The following KIRREL3 variants were observed in gnomAD, a reference collection of about 807,000 sequenced individuals.
KIRREL3 encodes kin of IRRE-like protein 3.
In KIRREL3, 36 loss-of-function variants were observed where a neutral mutation model predicts 89.7. The ratio of observed to expected loss-of-function variants is 0.40; its 90% confidence interval spans 0.31 to 0.53. The LOEUF (loss-of-function observed/expected upper bound fraction) is 0.53. KIRREL3 is among the 20% of genes least tolerant of loss of function. The pLI, the probability that KIRREL3 is intolerant of heterozygous loss-of-function variation, is 0.49. For missense variants in KIRREL3, 864 were observed against 1,056.6 expected (o/e 0.82, Z 2.53); for synonymous variants, 445 against 441.4 (o/e 1.01, Z -0.10).
In KIRREL3 at chr11:126,566,302, G is replaced by A. The variant is rs1368891268; in HGVS notation, c.56-3390C>T. Among the ~76,000 whole-genome samples, 1 of 152,228 alleles carries A rather than the reference G, an allele frequency of 6.6e-6. No homozygotes were observed. Among genetic ancestry groups the A allele is most frequent in the Non-Finnish European group, 1.5e-5 (1 of 68,036 alleles). ...GGAAAAATGGATTGGAGTAGGGTAT[G>A]TTTCTTAGGGAGAAGATAAGTTTGC... On this transcript the variant is annotated intron_variant, in intron 1 of 16. Coordinates refer to ENST00000525144, the MANE Select transcript of KIRREL3 (RefSeq NM_032531.4). This position sits in a 1 kb window ranked among gnomAD's most constrained non-coding sequence, Gnocchi z 4.9.
At chr11:126,820,306 A>C (rs1273740555) in intron 1 of KIRREL3, among the ~76,000 whole-genome samples, 3 of 40,730 alleles carry the variant, frequency 7.4e-5, no homozygotes, top group Non-Finnish European at 1.2e-4. Context: ...CTTTGTAGCA[A>C]GCCTTTAAAA....
intron 1 of KIRREL3, among the ~76,000 whole-genome samples, chr11:126,827,760 A>G (rs939574786): frequency 2.0e-5 from 3 of 152,182 alleles, no homozygotes; most frequent in African/African-American, 7.2e-5. Flanking sequence ...GAGTAAGTGA[A>G]AGGGGTTCCA....
At chr11:126,632,629 C>T (rs1386876350) in intron 1 of KIRREL3, among the ~76,000 whole-genome samples, 1 of 66,500 alleles carries the variant, frequency 1.5e-5, no homozygotes, top group African/African-American at 5.1e-5. Flanking sequence ...TCTCTACTCT[C>T]AGCACGGAGC....
At chr11:126,545,114 A>G (rs751993705) in intron 2 of KIRREL3, among the ~76,000 whole-genome samples, 2 of 152,216 alleles carry the variant, frequency 1.3e-5, no homozygotes, top group Non-Finnish European at 2.9e-5. Flanking sequence ...TTTATTTGTT[A>G]TAATGAAACT....
intron 1 of KIRREL3, among the ~76,000 whole-genome samples, chr11:126,856,591 A>ATATATATG: frequency 7.7e-6 from 1 of 129,882 alleles, no homozygotes; most frequent in Non-Finnish European, 1.6e-5. Context: ...ATATATATAT[A>ATATATATG]TATATGTATA....
At position 126,788,354 on chromosome 11, in the gene KIRREL3, A is replaced by G. The variant is rs188207304; in HGVS notation, c.55+212101T>C. Among the ~76,000 whole-genome samples the G allele has an allele frequency of 1.3e-4, 20 of 152,284 alleles. No homozygotes were observed. The East Asian group carries it at 3.1e-3, about 24-fold the overall frequency. On this transcript the variant is annotated intron_variant, in intron 1 of 16. Transcript: ENST00000525144. The surrounding 1 kb of genome is among the most constrained non-coding windows in gnomAD (Gnocchi z 4.1). ...ACTGTGCTACTCAGACAGGGTATGC[A>G]AGTTGCATTTGACATTTCTGCAGGG...
At chr11:126,436,180 C>T (rs576871103) in intron 12 of KIRREL3, among the ~76,000 whole-genome samples, 2 of 152,122 alleles carry the variant, frequency 1.3e-5, no homozygotes, top group African/African-American at 2.4e-5. Context: ...CTCACCCACC[C>T]GGCTGCTTTG....
chr11:126,589,959 G>A (rs1942059015), intron 1 of KIRREL3, among the ~76,000 whole-genome samples: 1 of 152,178 alleles, frequency 6.6e-6, no homozygotes, highest in South Asian at 2.1e-4. Context: ...TTAGGAGCAG[G>A]GGCTCCCTCT....
Position 126,462,923 on chromosome 11 carries a change from T to C in KIRREL3, c.742+234A>G, listed in dbSNP as rs910539482. Among the ~76,000 whole-genome samples the C allele has an allele frequency of 1.3e-5, 2 of 152,136 alleles. No homozygotes were observed. The highest frequency in any genetic ancestry group is 2.4e-5 in the African/African-American group (1 of 41,436). On this transcript the variant is annotated intron_variant, in intron 6 of 16. Transcript: ENST00000525144. This position sits in a 1 kb window ranked among gnomAD's most constrained non-coding sequence, Gnocchi z 4.8. ...GTGTGAAAGTCCCACCTTGTACAGGTGTTGAAATGTGGCCTGAAGATGTCC... is the reference window on the plus strand; with the variant it reads ...GTGTGAAAGTCCCACCTTGTACAGGCGTTGAAATGTGGCCTGAAGATGTCC...
rs1948945891 is a variant in KIRREL3 at position 126,740,538 on chromosome 11, T to G, written c.56-177626A>C. ...TCTCCTACCCAGGAGACATGTTCCT[T>G]ATATTTGTGATGTATTCCTATGGGC... On this transcript the variant is annotated intron_variant, in intron 1 of 16. Transcript: ENST00000525144. The surrounding 1 kb of genome is among the most constrained non-coding windows in gnomAD (Gnocchi z 6.0). Among the ~76,000 whole-genome samples, 1 of 152,174 alleles carries G rather than the reference T, an allele frequency of 6.6e-6. No homozygotes were observed. The highest frequency in any genetic ancestry group is 1.5e-5 in the Non-Finnish European group (1 of 68,034).
chr11:126,464,977 C>T (rs1199022831), intron 5 of KIRREL3, among the ~76,000 whole-genome samples: 1 of 152,174 alleles, frequency 6.6e-6, no homozygotes, highest in African/African-American at 2.4e-5. Flanking sequence ...CCCATTGTGG[C>T]TGCTACCTCC....
At position 126,454,898 on chromosome 11, in the gene KIRREL3, G is replaced by A. The variant is rs1272688013; in HGVS notation, c.848+1451C>T. The stretch of plus-strand genomic sequence containing the variant: ...TCATCCTATTTAAAAATATCCTTGG[G>A]GATAGGAACTCTGGGCTCTGCCTGG... On this transcript the variant is annotated intron_variant, in intron 7 of 16. Transcript: ENST00000525144. The surrounding 1 kb of genome is among the most constrained non-coding windows in gnomAD (Gnocchi z 5.8). 2.6e-5 allele frequency among the ~76,000 whole-genome samples: 4 copies of A among 152,178 alleles called. No homozygotes were observed.
Position 126,513,272 on chromosome 11 carries a change from C to T in KIRREL3, c.433+8043G>A, listed in dbSNP as rs1384883959. ...AGATGCTGGGGGGTATGGGGGCTGGCCCTGGGCATGGTCATTTGGGAAGCT... is the reference window on the plus strand; with the variant it reads ...AGATGCTGGGGGGTATGGGGGCTGGTCCTGGGCATGGTCATTTGGGAAGCT... On this transcript the variant is annotated intron_variant, in intron 4 of 16. Transcript: ENST00000525144. The surrounding 1 kb of genome is among the most constrained non-coding windows in gnomAD (Gnocchi z 5.9). 6.6e-6 allele frequency among the ~76,000 whole-genome samples: 1 copy of T among 152,078 alleles called. No individual in the cohort carries two copies. The highest frequency in any genetic ancestry group is 1.5e-5 in the Non-Finnish European group (1 of 68,002).
At chr11:126,440,583 G>A (rs868535903) in intron 10 of KIRREL3, 34 bp from the exon 11 acceptor site, 9 of 1,546,940 alleles carry the variant, frequency 5.8e-6, no homozygotes, top group Admixed American at 1.9e-5. Context: ...AGGCACCCGG[G>A]AAGGGCACGT....
In KIRREL3 at chr11:126,551,581, C is replaced by T. The variant is rs757950954; in HGVS notation, c.133+11254G>A. Among the ~76,000 whole-genome samples the T allele has an allele frequency of 1.3e-5, 2 of 151,952 alleles. No individual in the cohort carries two copies. The highest frequency in any genetic ancestry group is 4.8e-5 in the African/African-American group (2 of 41,378). On this transcript the variant is annotated intron_variant, in intron 2 of 16. Coordinates refer to ENST00000525144, the MANE Select transcript of KIRREL3 (RefSeq NM_032531.4). This position sits in a 1 kb window ranked among gnomAD's most constrained non-coding sequence, Gnocchi z 4.9. ...CTTACAGCAAAAGAATATATATGATCATTTAACAATTAGTCCAGTGCACTG... is the reference window on the plus strand; with the variant it reads ...CTTACAGCAAAAGAATATATATGATTATTTAACAATTAGTCCAGTGCACTG...
chr11:126,451,652 G>A (rs532491045), intron 7 of KIRREL3, among the ~76,000 whole-genome samples: 52 of 151,684 alleles, frequency 3.4e-4, no homozygotes, highest in Middle Eastern at 3.4e-3. Flanking sequence ...ATGTATGGGC[G>A]TGTGCATGTG....
chr11:126,982,213 T>C (rs988981731), intron 1 of KIRREL3, among the ~76,000 whole-genome samples: 1 of 152,186 alleles, frequency 6.6e-6, no homozygotes, highest in Non-Finnish European at 1.5e-5. Context: ...AACAAAGATG[T>C]TATCATTGTC....
At chr11:126,922,121 G>GTCTGTCTATCTATCTATCTATCTATCTA (rs61078651) in intron 1 of KIRREL3, among the ~76,000 whole-genome samples, 12 of 140,080 alleles carry the variant, frequency 8.6e-5, no homozygotes, top group East Asian at 4.4e-4. Context: ...CTATCTGTCT[G>GTCTGTCTATCTATCTATCTATCTATCTA]TCTATCTATC....
At chr11:126,472,696 A>T (rs1956927587) in intron 5 of KIRREL3, among the ~76,000 whole-genome samples, 2 of 84,134 alleles carry the variant, frequency 2.4e-5, no homozygotes, top group Admixed American at 3.1e-4. Flanking sequence ...TTACCCTAGG[A>T]CATAGAGGAG....
Sources: allele counts gnomAD v4.1 joint callset (sites outside exome capture counted in the v4.1 genomes callset), GRCh38; gene constraint gnomAD v4.1.1; non-coding constraint Gnocchi (gnomAD v3.1); transcripts MANE v1.5; gene names NCBI Gene and HGNC (gene_info 2026-07-23, HGNC 2026-07-21).